Variants in TCF12 observed in about 807,000 individuals in gnomAD.
The protein encoded by TCF12 is DNA-binding protein HTF4.
Under a neutral mutation model 86.0 loss-of-function variants are expected in TCF12, and 45 were observed. The ratio of observed to expected loss-of-function variants is 0.52; its 90% confidence interval spans 0.41 to 0.67. The LOEUF (loss-of-function observed/expected upper bound fraction) is 0.67. Among genes scored for constraint, TCF12 ranks in the 30% least tolerant of loss-of-function variants. TCF12 has a pLI of 0.00. For missense variants in TCF12, 881 were observed against 859.9 expected (o/e 1.02, Z -0.31); for synonymous variants, 330 against 299.6 (o/e 1.10, Z -1.05).
chr15:56,950,745 G>GCTTTTTTTTTT lies in TCF12; in HGVS notation c.148+29647_148+29648insCTTTTTTTTTT, dbSNP rs1555455322. 9.3e-5 allele frequency among the ~76,000 whole-genome samples: 8 copies of GCTTTTTTTTTT among 85,900 alleles called. 4 individuals carry two copies. In the South Asian group the frequency reaches 1.5e-3, roughly 16 times the overall value. The allele number at this position is 85,900 out of a possible 152,430, so 56.4% of individuals were successfully genotyped here. On this transcript the variant is annotated intron_variant, in intron 3 of 20. Transcript: ENST00000333725. ...TTACAAATAAAGCTATTATGACCAT[G>GCTTTTTTTTTT]TTTTTTTTTTTTTTTTTTTTTTTTT... is the stretch of plus-strand genomic sequence containing the variant.
chr15:57,193,801 C>T (rs1281396010), intron 7 of TCF12, among the ~76,000 whole-genome samples: 2 of 152,152 alleles, frequency 1.3e-5, no homozygotes, highest in African/African-American at 4.8e-5. Context: ...TCATCATATT[C>T]AGCATAGAGA....
At chr15:57,068,913 A>C (rs1431277068) in intron 4 of TCF12, among the ~76,000 whole-genome samples, 1 of 152,206 alleles carries the variant, frequency 6.6e-6, no homozygotes, top group Non-Finnish European at 1.5e-5. Context: ...TCATTTATTG[A>C]TATAATAAGT....
At chr15:57,119,151 G>A (rs1435671258) in intron 5 of TCF12, among the ~76,000 whole-genome samples, 2 of 151,922 alleles carry the variant, frequency 1.3e-5, no homozygotes, top group Non-Finnish European at 2.9e-5. Context: ...GGAGTGCAGT[G>A]GCACGATCTC....
At chr15:56,964,389 C>T (rs2061908232) in intron 3 of TCF12, among the ~76,000 whole-genome samples, 1 of 152,162 alleles carries the variant, frequency 6.6e-6, no homozygotes, top group African/African-American at 2.4e-5. Context: ...TTTTCAAGAT[C>T]CTTATCTTAC....
chr15:56,928,751 T>C (rs373861670), intron 3 of TCF12, among the ~76,000 whole-genome samples: 1 of 152,218 alleles, frequency 6.6e-6, no homozygotes. Context: ...CACCGCCACT[T>C]GAATGTAGCA....
chr15:57,183,944 C>T (rs757517153), intron 6 of TCF12, among the ~76,000 whole-genome samples: 2 of 152,136 alleles, frequency 1.3e-5, no homozygotes, highest in African/African-American at 2.4e-5. Context: ...ATAGGAAATA[C>T]ACTTCCTGTT....
intron 3 of TCF12, among the ~76,000 whole-genome samples, chr15:56,971,026 G>A (rs533682673): frequency 2.6e-5 from 4 of 152,296 alleles, no homozygotes; most frequent in East Asian, 1.9e-4. Context: ...CAGTCTGGGC[G>A]ACAAGAGTTA....
At chr15:57,098,462 C>T (rs1262664783) in intron 5 of TCF12, among the ~76,000 whole-genome samples, 5 of 152,068 alleles carry the variant, frequency 3.3e-5, no homozygotes, top group African/African-American at 9.7e-5. Flanking sequence ...TTTTTCTGCC[C>T]TTTACCATGC....
intron 8 of TCF12, chr15:57,219,525 T>G: frequency 6.2e-7 from 1 of 1,612,828 alleles, no homozygotes; most frequent in African/African-American, 1.3e-5. Context: ...AATCAACATG[T>G]ATTGTGCTTA....
chr15:57,076,266 T>G (rs985425056), intron 4 of TCF12, among the ~76,000 whole-genome samples: 6 of 152,294 alleles, frequency 3.9e-5, no homozygotes, highest in Non-Finnish European at 7.3e-5. Context: ...AGCTTTGTGA[T>G]CCAAAACATT....
intron 5 of TCF12, among the ~76,000 whole-genome samples, chr15:57,138,509 A>G (rs1392608391): frequency 1.3e-5 from 2 of 151,486 alleles, no homozygotes; most frequent in Non-Finnish European, 2.9e-5. Context: ...ATTCCAGACA[A>G]GTACTTCACA....
chr15:57,243,378 A>T (rs2059716870), intron 12 of TCF12, 94 bp from the exon 13 acceptor site: 1 of 1,083,714 alleles, frequency 9.2e-7, no homozygotes, highest in Non-Finnish European at 1.4e-6. Context: ...CTTAGGGGTG[A>T]CAACTAGATT....
intron 5 of TCF12, among the ~76,000 whole-genome samples, chr15:57,162,037 A>T (rs192386227): frequency 6.6e-6 from 1 of 152,256 alleles, no homozygotes; most frequent in East Asian, 1.9e-4. Context: ...ACCGATACCT[A>T]TACACACTCA....
intron 8 of TCF12, among the ~76,000 whole-genome samples, chr15:57,210,362 A>G (rs1300070854): frequency 2.0e-5 from 3 of 151,714 alleles, no homozygotes; most frequent in Admixed American, 1.3e-4. Context: ...ACATAACTGT[A>G]TGTTTTAACT....
chr15:57,043,198 G>A (rs1447277452), intron 3 of TCF12, among the ~76,000 whole-genome samples: 1 of 152,020 alleles, frequency 6.6e-6, no homozygotes, highest in African/African-American at 2.4e-5. Context: ...TCCATCGGTA[G>A]ACATTTAGGT....
chr15:56,930,072 T>G (rs1283555373), intron 3 of TCF12, among the ~76,000 whole-genome samples: 1 of 152,200 alleles, frequency 6.6e-6, no homozygotes, highest in Non-Finnish European at 1.5e-5. Context: ...TGGTAGCTGA[T>G]ACAGTGAACA....
At chr15:57,194,168 A>C (rs1454019837) in intron 7 of TCF12, among the ~76,000 whole-genome samples, 1 of 151,892 alleles carries the variant, frequency 6.6e-6, no homozygotes, top group African/African-American at 2.4e-5. Context: ...AAAAATCCAG[A>C]CTTAAAATTC....
Position 57,255,749 on chromosome 15 carries a change from T to C in TCF12, c.1467+2281T>C, listed in dbSNP as rs540256352. On this transcript the variant is annotated intron_variant, in intron 16 of 20. Transcript: ENST00000333725. ...CGCCCACCTCGGCCTCCCAAAGTGC[T>C]GGGATTACAGGTGTGAGCCACTGCA... Among the ~76,000 whole-genome samples, 158 of 152,162 alleles carry C rather than the reference T, an allele frequency of 1.0e-3. 2 individuals carry two copies. The highest frequency in any genetic ancestry group is 3.5e-3 in the African/African-American group (145 of 41,510).
At chr15:57,158,320 A>C (rs2054267592) in intron 5 of TCF12, among the ~76,000 whole-genome samples, 1 of 151,824 alleles carries the variant, frequency 6.6e-6, no homozygotes, top group Non-Finnish European at 1.5e-5. Flanking sequence ...CTGGGACTAC[A>C]GGTGTGTACC....
Sources: gnomAD v4.1 joint callset for allele counts (sites outside exome capture counted in the v4.1 genomes callset) on GRCh38, gnomAD v4.1.1 for gene constraint, MANE v1.5 for transcripts, NCBI Gene and HGNC (gene_info 2026-07-23, HGNC 2026-07-21) for gene names.